The following ZFP14 variants were observed in gnomAD, a reference collection of about 807,000 sequenced individuals.
ZFP14 encodes ZFP14 zinc finger protein.
Under a neutral mutation model 54.5 loss-of-function variants are expected in ZFP14, and 22 were observed. The observed-to-expected ratio is 0.40, with a 90% CI of 0.29 to 0.58. The LOEUF (loss-of-function observed/expected upper bound fraction) is 0.58. Among genes scored for constraint, ZFP14 ranks in the 20% least tolerant of loss-of-function variants. The pLI, the probability that ZFP14 is intolerant of heterozygous loss-of-function variation, is 0.39. For missense variants in ZFP14, 470 were observed against 637.8 expected, an observed-to-expected ratio of 0.74 and a Z score of 2.83; for synonymous variants, 159 against 204.0, an observed-to-expected ratio of 0.78 and a Z score of 1.88.
In ZFP14 at chr19:36,340,544, C is replaced by A. The variant is rs778489883; in HGVS notation, c.1282G>T (p.Glu428Ter). The part of the protein sequence containing the change: ...HIGERPYECE[E>*]CGKAFRLLSQ... ...AGCAGTCTAAAGGCCTTTCCACACT[C>A]TTCACATTCATAGGGTCTCTCACCA... Residue 428 changes from glutamate (E) to a stop codon, truncating the protein, a stop_gained, in exon 5 of 5, where the codon GAG becomes TAG. Coordinates refer to ENST00000270001, the MANE Select transcript of ZFP14 (RefSeq NM_020917.3). LOFTEE classifies it high-confidence loss of function. This position sits in a 1 kb window ranked among gnomAD's most constrained non-coding sequence, Gnocchi z 5.4. The A allele has an allele frequency of 6.2e-7, 1 of 1,614,140 alleles. No individual in the cohort carries two copies. The highest frequency in any genetic ancestry group is 8.5e-7 in the Non-Finnish European group (1 of 1,180,020).
chr19:36,349,254 A>AAAAAAAAAAAAAAAAAAAGG, intron 4 of ZFP14, among the ~76,000 whole-genome samples: 1 of 67,150 alleles, frequency 1.5e-5, no homozygotes, highest in Non-Finnish European at 3.1e-5. Context: ...AAAAAAAAAA[A>AAAAAAAAAAAAAAAAAAAGG]AACAAAAAAA....
chr19:36,362,038 A>C, intron 3 of ZFP14, 74 bp downstream of exon 3: 1 of 1,497,066 alleles, frequency 6.7e-7, no homozygotes, highest in East Asian at 2.4e-5. Flanking sequence ...AAGTAGTTTT[A>C]GAGAGTTTTT....
chr19:36,348,583 G>A (rs1474654834), intron 4 of ZFP14, among the ~76,000 whole-genome samples: 2 of 152,098 alleles, frequency 1.3e-5, no homozygotes, highest in Non-Finnish European at 2.9e-5. Context: ...TGCAACCTCC[G>A]CCTCCTGGAT....
At chr19:36,374,586 T>C (rs185429816) in intron 1 of ZFP14, among the ~76,000 whole-genome samples, 57 of 152,030 alleles carry the variant, frequency 3.7e-4, no homozygotes, top group Admixed American at 3.7e-3. Flanking sequence ...GAAAAGAACC[T>C]AATTTCGGAA....
At chr19:36,365,943 G>A (rs915988746) in intron 2 of ZFP14, among the ~76,000 whole-genome samples, 5 of 147,398 alleles carry the variant, frequency 3.4e-5, no homozygotes, top group Non-Finnish European at 6.0e-5. Flanking sequence ...CTGGGTGACT[G>A]AGTGAGACCT....
chr19:36,366,432 C>T (rs1425828392), intron 2 of ZFP14, among the ~76,000 whole-genome samples: 2 of 152,180 alleles, frequency 1.3e-5, no homozygotes, highest in Non-Finnish European at 2.9e-5. Context: ...CATTCGCCCA[C>T]CTCAGCCTCC....
intron 1 of ZFP14, among the ~76,000 whole-genome samples, chr19:36,371,256 C>G (rs1368102064): frequency 6.6e-6 from 1 of 151,640 alleles, no homozygotes; most frequent in Non-Finnish European, 1.5e-5. Flanking sequence ...GAGCGAGACT[C>G]TGTCTCAAAA....
intron 4 of ZFP14, among the ~76,000 whole-genome samples, chr19:36,355,065 C>T (rs1240819132): frequency 7.0e-6 from 1 of 143,638 alleles, no homozygotes; most frequent in African/African-American, 2.5e-5. Flanking sequence ...ATGTAAGCAA[C>T]ATGATTGCTG....
rs1457947692 is a variant in ZFP14, at chr19:36,364,481, TG to T, written c.10-2244del. Among the ~76,000 whole-genome samples the T allele has an allele frequency of 2.6e-5, 4 of 152,260 alleles. No homozygotes were observed. The East Asian group carries it at 7.7e-4, about 29-fold the overall frequency. ...GGTTGAGGACGACGAGGGGTGTAAC[TG>T]GTCTAGCTCATAGGAGAACTAGCTG... is the stretch of plus-strand genomic sequence containing the variant. On this transcript the variant is annotated intron_variant, in intron 2 of 4. Transcript: ENST00000270001.
chr19:36,362,697 A>T (rs1368775719), intron 2 of ZFP14: 1 of 191,018 alleles, frequency 5.2e-6, no homozygotes, highest in Non-Finnish European at 1.1e-5. Flanking sequence ...AACATTAGCA[A>T]GACCCTGTCT....
At chr19:36,369,433 CAG>C (rs2031847127) in intron 1 of ZFP14, among the ~76,000 whole-genome samples, 1 of 151,838 alleles carries the variant, frequency 6.6e-6, no homozygotes, top group Admixed American at 6.6e-5. Context: ...TTTTTGCAGA[CAG>C]AGCCTTGTTC....
intron 4 of ZFP14, among the ~76,000 whole-genome samples, chr19:36,346,333 A>C (rs750847094): frequency 6.6e-6 from 1 of 152,130 alleles, no homozygotes; most frequent in Non-Finnish European, 1.5e-5. Flanking sequence ...CAAAACAAAA[A>C]AACAAAAAAC....
intron 4 of ZFP14, among the ~76,000 whole-genome samples, chr19:36,357,932 A>G (rs191684079): frequency 3.7e-3 from 558 of 151,074 alleles, no homozygotes; most frequent in Non-Finnish European, 6.2e-3. Context: ...TAGTAGAGAT[A>G]GGGTTTTACC....
chr19:36,343,310 T>A (rs190284835), intron 4 of ZFP14, among the ~76,000 whole-genome samples: 27 of 152,238 alleles, frequency 1.8e-4, no homozygotes, highest in African/African-American at 6.3e-4. Context: ...TGAGCATAAA[T>A]AATAAAGCTG....
intron 4 of ZFP14, among the ~76,000 whole-genome samples, chr19:36,349,749 G>A (rs1414521049): frequency 6.7e-6 from 1 of 149,040 alleles, no homozygotes; most frequent in African/African-American, 2.5e-5. Flanking sequence ...AAATGAAAAT[G>A]AAAAATCTAA....
chr19:36,350,075 T>C (rs2031499398), intron 4 of ZFP14, among the ~76,000 whole-genome samples: 1 of 135,696 alleles, frequency 7.4e-6, no homozygotes, highest in East Asian at 2.2e-4. Context: ...GAGCTGAGAT[T>C]GTGCCACTGC....
intron 2 of ZFP14, among the ~76,000 whole-genome samples, chr19:36,363,187 TTC>T (rs1416359238): frequency 1.5e-5 from 2 of 131,508 alleles, no homozygotes; most frequent in Non-Finnish European, 3.3e-5. Context: ...TTCTTTTCTT[TTC>T]TTTTTTTTTT....
Position 36,347,813 on chromosome 19 carries a change from C to T in ZFP14, c.236-6223G>A, listed in dbSNP as rs77284651. Among the ~76,000 whole-genome samples, 966 of 152,250 alleles carry T rather than the reference C, an allele frequency of 6.3e-3. 16 individuals are homozygous for T. The highest frequency in any genetic ancestry group is 0.022 in the African/African-American group (930 of 41,536). ...CAGTGGCTCACGCCTGTCAATCCAG[C>T]TCTTTGGGAGGCCAAGGCAGGCAGA... On this transcript the variant is annotated intron_variant, in intron 4 of 4. Coordinates refer to ENST00000270001, the MANE Select transcript of ZFP14 (RefSeq NM_020917.3).
intron 4 of ZFP14, among the ~76,000 whole-genome samples, chr19:36,348,277 T>C (rs2031454552): frequency 6.6e-6 from 1 of 152,166 alleles, no homozygotes; most frequent in Admixed American, 6.6e-5. Context: ...TTAAAAGGAT[T>C]GGGTAGGTAC....
Sources: gnomAD v4.1 joint callset for allele counts (sites outside exome capture counted in the v4.1 genomes callset) on GRCh38, gnomAD v4.1.1 for gene constraint, Gnocchi (gnomAD v3.1) non-coding constraint, MANE v1.5 for transcripts, NCBI Gene and HGNC (gene_info 2026-07-23, HGNC 2026-07-21) for gene names.